NAALAD2: variants seen among roughly 807,000 people sequenced by gnomAD.
NAALAD2 encodes the protein N-acetylated alpha-linked acidic dipeptidase 2.
In NAALAD2, 89 loss-of-function variants were observed where a neutral mutation model predicts 95.6. That is an observed-to-expected ratio of 0.93 (90% CI 0.78 to 1.11). The LOEUF (loss-of-function observed/expected upper bound fraction) is 1.11. Among genes scored for constraint, NAALAD2 ranks in the 50% least tolerant of loss-of-function variants. The pLI is 0.00. For synonymous variants in NAALAD2, 264 were observed against 294.4 expected (o/e 0.90, Z 1.06); for missense variants, 894 against 872.4 (o/e 1.02, Z -0.31).
chr11:90,142,279 T>C (rs887813104), intron 2 of NAALAD2, among the ~76,000 whole-genome samples: 3 of 152,176 alleles, frequency 2.0e-5, no homozygotes, highest in African/African-American at 7.2e-5. Flanking sequence ...GAATGCGAAA[T>C]TGTCTATTTG....
rs924100767 is a variant in NAALAD2 at position 90,151,352 on chromosome 11, T to C, written c.609+745T>C. 1.7e-3 allele frequency among the ~76,000 whole-genome samples: 256 copies of C among 152,302 alleles called. 2 individuals carry two copies. Among genetic ancestry groups the C allele is most frequent in the African/African-American group, 5.7e-3 (236 of 41,556 alleles). On this transcript the variant is annotated intron_variant, in intron 5 of 18. Transcript: ENST00000534061. ...CTGCTTATTAATTACCTCAGTATTTTAAATGATGGCATCATATTTCACAGA... is the reference window on the plus strand; with the variant it reads ...CTGCTTATTAATTACCTCAGTATTTCAAATGATGGCATCATATTTCACAGA...
chr11:90,186,011 T>C (rs1440593092), intron 18 of NAALAD2, among the ~76,000 whole-genome samples: 1 of 152,112 alleles, frequency 6.6e-6, no homozygotes, highest in Non-Finnish European at 1.5e-5. Flanking sequence ...ACTGAAGAAC[T>C]TGTAATCTTT....
intron 1 of NAALAD2, 91 bp from the exon 2 acceptor site, chr11:90,135,468 G>C (rs114101427): frequency 5.6e-6 from 4 of 720,578 alleles, no homozygotes; most frequent in East Asian, 2.7e-5. Flanking sequence ...AGGCTTTTTG[G>C]GGGGAAGGAC....
At chr11:90,134,889 G>C in intron 1 of NAALAD2, 49 bp downstream of exon 1, 1 of 1,596,178 alleles carries the variant, frequency 6.3e-7, no homozygotes, top group Non-Finnish European at 8.6e-7. Flanking sequence ...GTGATTCTCT[G>C]CAGAGATAAA....
At chr11:90,139,515 T>G (rs1340592022) in intron 2 of NAALAD2, among the ~76,000 whole-genome samples, 1 of 152,160 alleles carries the variant, frequency 6.6e-6, no homozygotes, top group Non-Finnish European at 1.5e-5. Flanking sequence ...GTAATTTTCT[T>G]AATGTCATCT....
intron 11 of NAALAD2, among the ~76,000 whole-genome samples, chr11:90,168,325 C>A (rs1346412922): frequency 6.6e-6 from 1 of 152,216 alleles, no homozygotes; most frequent in African/African-American, 2.4e-5. Flanking sequence ...TCCGCGGCTT[C>A]ATTCTTGAAG....
chr11:90,182,750 G>C (rs1421954505), intron 17 of NAALAD2, among the ~76,000 whole-genome samples, 166 bp from the exon 18 acceptor site: 2 of 152,076 alleles, frequency 1.3e-5, no homozygotes, highest in African/African-American at 4.8e-5. Flanking sequence ...AGATGACTCT[G>C]CTGTTTGTGG....
chr11:90,169,275 C>A, intron 12 of NAALAD2: 1 of 243,762 alleles, frequency 4.1e-6, no homozygotes, highest in Non-Finnish European at 7.6e-6. Flanking sequence ...ACTTAAAACT[C>A]TAGTATTAAC....
At chr11:90,185,122 G>A (rs992448467) in intron 18 of NAALAD2, among the ~76,000 whole-genome samples, 1 of 151,472 alleles carries the variant, frequency 6.6e-6, no homozygotes. Flanking sequence ...TGGATACTGA[G>A]GAATTACTGT....
upstream of NAALAD2, among the ~76,000 whole-genome samples, chr11:90,132,550 T>C (rs1364949574): frequency 1.3e-5 from 2 of 152,192 alleles, no homozygotes; most frequent in East Asian, 3.9e-4. Context: ...AAAATGTTTA[T>C]ATGTACAAAA....
At position 90,165,738 on chromosome 11, in the gene NAALAD2, T is replaced by C. The variant is rs925534647; in HGVS notation, c.1278+2121T>C. Among the ~76,000 whole-genome samples, 14 of 152,214 alleles carry C rather than the reference T, an allele frequency of 9.2e-5. 1 individual carries two copies. Among genetic ancestry groups the C allele is most frequent in the African/African-American group, 4.8e-5 (2 of 41,458 alleles). ...TTATTAGTTCAGGTCATTATCTTTT[T>C]TCCCCTTGCCCCTGTGGTGGGTGAG... On this transcript the variant is annotated intron_variant, in intron 11 of 18. Coordinates refer to ENST00000534061, the MANE Select transcript of NAALAD2 (RefSeq NM_005467.4).
intron 5 of NAALAD2, 68 bp from the exon 6 acceptor site, chr11:90,152,230 G>A: frequency 7.3e-7 from 1 of 1,363,594 alleles, no homozygotes; most frequent in Admixed American, 2.1e-5. Flanking sequence ...TTAAATTAAT[G>A]TCTTTCTTAT....
intron 13 of NAALAD2, 93 bp from the exon 14 acceptor site, chr11:90,173,729 AAG>A: frequency 1.3e-6 from 1 of 799,290 alleles, no homozygotes; most frequent in South Asian, 1.8e-5. Flanking sequence ...ATGTTATTAA[AAG>A]TAGAAGTTGA....
In NAALAD2 at chr11:90,134,769, C is replaced by G. The variant is rs1351156313; in HGVS notation, c.11C>G (p.Ser4Cys). 1 of 1,613,872 alleles carries G rather than the reference C, an allele frequency of 6.2e-7. No homozygotes were observed. The highest frequency in any genetic ancestry group is 1.7e-5 in the Admixed American group (1 of 60,008). The change falls in exon 1 of 19, where the codon TCC becomes TGC. Residue 4 changes from serine (S) to cysteine (C), a missense_variant. Transcript: ENST00000534061. ...GGTCCTCAAGAAGCCATGGCGGAAT[C>G]CAGGGGCCGTCTGTACCTTTGGATG... is the stretch of plus-strand genomic sequence containing the variant. MAE[S>C]RGRLYLWMCL...
intron 8 of NAALAD2, among the ~76,000 whole-genome samples, chr11:90,160,713 CAG>C (rs1209945016): frequency 1.3e-5 from 2 of 152,098 alleles, no homozygotes; most frequent in Non-Finnish European, 2.9e-5. Context: ...AACATACAGA[CAG>C]AGAAAACATA....
chr11:90,173,780 G>A (rs765766692), intron 13 of NAALAD2, 44 bp from the exon 14 acceptor site: 4 of 1,410,320 alleles, frequency 2.8e-6, no homozygotes, highest in Non-Finnish European at 3.9e-6. Flanking sequence ...CATAAATGTA[G>A]TTGCTTCTAC....
At chr11:90,180,887 A>G (rs749964223) in intron 16 of NAALAD2, among the ~76,000 whole-genome samples, 7 of 152,104 alleles carry the variant, frequency 4.6e-5, no homozygotes, top group Non-Finnish European at 8.8e-5. Context: ...TTGAATCCAC[A>G]TGAAGTTATA....
chr11:90,171,221 A>G (rs558234473), intron 13 of NAALAD2, among the ~76,000 whole-genome samples: 1 of 152,322 alleles, frequency 6.6e-6, no homozygotes, highest in Admixed American at 6.5e-5. Context: ...ACCTGTGGAA[A>G]TGTTTGCTTC....
intron 2 of NAALAD2, among the ~76,000 whole-genome samples, chr11:90,137,914 A>G (rs928311522): frequency 2.6e-5 from 4 of 151,980 alleles, no homozygotes; most frequent in African/African-American, 9.7e-5. Context: ...CAGTGCTAGG[A>G]TTACAAGCAT....
Sources: allele counts gnomAD v4.1 joint callset (sites outside exome capture counted in the v4.1 genomes callset), GRCh38; gene constraint gnomAD v4.1.1; transcripts MANE v1.5; gene names NCBI Gene and HGNC (gene_info 2026-07-23, HGNC 2026-07-21).